Variants in NAPA observed in about 807,000 individuals in gnomAD.
The protein encoded by NAPA is alpha-soluble NSF attachment protein.
In NAPA, 18 loss-of-function variants were observed where a neutral mutation model predicts 48.0. The ratio of observed to expected loss-of-function variants is 0.38; its 90% CI spans 0.26 to 0.56. The LOEUF (loss-of-function observed/expected upper bound fraction) is 0.56. Ranked by LOEUF, NAPA falls within the 20% of genes least tolerant of loss-of-function variation. The pLI is 0.77. For missense variants in NAPA, 315 were observed against 385.0 expected (o/e 0.82, Z 1.52); for synonymous variants, 152 against 149.9 (o/e 1.01, Z -0.10).
Position 47,490,785 on chromosome 19 carries a change from T to C in NAPA, c.735+3A>G, listed in dbSNP as rs765792022. On this transcript the variant is annotated splice_donor_region_variant and intron_variant, in intron 9 of 10. Coordinates refer to ENST00000263354, the MANE Select transcript of NAPA (RefSeq NM_003827.4). ...GGGGGAGGCCGGAGCACCCAGCACT[T>C]ACTTTCATCAACTTGCATTCCCGGG... The C allele has an allele frequency of 6.6e-5, 106 of 1,613,244 alleles. No homozygotes were observed. Among genetic ancestry groups the C allele is most frequent in the Non-Finnish European group, 7.0e-5 (82 of 1,179,672 alleles).
intron 4 of NAPA, among the ~76,000 whole-genome samples, chr19:47,494,437 G>A (rs1299567752): frequency 1.3e-5 from 2 of 152,098 alleles, no homozygotes; most frequent in African/African-American, 2.4e-5. Context: ...CAGGGCAAGC[G>A]GAGAGGCAAA....
intron 9 of NAPA, among the ~76,000 whole-genome samples, chr19:47,490,154 TGTGTGTGTGGG>T (rs1389995420): frequency 3.4e-5 from 5 of 146,400 alleles, no homozygotes; most frequent in African/African-American, 7.6e-5. Flanking sequence ...GTGTGTTCGG[TGTGTGTGTGGG>T]GTGTGTGTGG....
intron 3 of NAPA, among the ~76,000 whole-genome samples, chr19:47,498,271 C>G (rs1211430779): frequency 6.6e-6 from 1 of 152,164 alleles, no homozygotes; most frequent in East Asian, 1.9e-4. Flanking sequence ...TTGGGGAAGC[C>G]AGGCAAGGTT....
chr19:47,495,455 A>C, intron 4 of NAPA, 95 bp downstream of exon 4: 1 of 1,376,652 alleles, frequency 7.3e-7, no homozygotes, highest in East Asian at 2.3e-5. Flanking sequence ...TTGGCCGCAG[A>C]ATAAGAACAG....
rs745606712 is a variant in NAPA at position 47,495,584 on chromosome 19, C to T, written c.308G>A (p.Cys103Tyr). 11 of 1,359,192 alleles carry T rather than the reference C, an allele frequency of 8.1e-6. No homozygotes were observed. In the South Asian group the frequency reaches 2.2e-4, roughly 27 times the overall value. The allele number at this position is 1,359,192 out of a possible 1,614,324, so 84.2% of individuals were successfully genotyped here. A position where few individuals can be genotyped will look rare whatever the true frequency, so the allele number is the denominator to read the frequency against. Residue 103 changes from cysteine (C) to tyrosine (Y), a missense_variant, in exon 4 of 11, where the codon TGT becomes TAT. Physicochemically the swap from Cys to Tyr is radical, Grantham distance 194. Coordinates refer to ENST00000263354, the MANE Select transcript of NAPA (RefSeq NM_003827.4). ...KKADPQEAIN[C>Y]LMRAIEIYTD... The stretch of plus-strand genomic sequence containing the variant: ...GTAGATCTCGATTGCTCGCATCAAA[C>T]AGTTAATGGCCTCTGGAGAGAAAGG...
intron 3 of NAPA, among the ~76,000 whole-genome samples, chr19:47,497,758 C>T (rs1342896962): frequency 1.3e-5 from 2 of 152,244 alleles, no homozygotes; most frequent in Non-Finnish European, 2.9e-5. Context: ...TCATCTCCTC[C>T]TTAGTAAAAT....
intron 9 of NAPA, among the ~76,000 whole-genome samples, chr19:47,490,264 TGTG>T (rs1006038275): frequency 2.1e-5 from 3 of 143,364 alleles, no homozygotes; most frequent in Non-Finnish European, 4.6e-5. Context: ...GGGTGTGTCG[TGTG>T]GTGTGTGTAC....
intron 1 of NAPA, among the ~76,000 whole-genome samples, chr19:47,508,478 A>G (rs1968737757): frequency 1.3e-5 from 2 of 152,210 alleles, no homozygotes; most frequent in South Asian, 4.1e-4. Flanking sequence ...CCCAGTTAAC[A>G]ACGGTGAAAG....
In NAPA at chr19:47,502,567, A is replaced by G. The variant is rs1968603387; in HGVS notation, c.178+856T>C. On this transcript the variant is annotated intron_variant, in intron 2 of 10. Coordinates refer to ENST00000263354, the MANE Select transcript of NAPA (RefSeq NM_003827.4). ...TTGTGCACCTCTGCACCCTGCCTCC[A>G]TGGTCCCACCACCAGGTTCCCTCTC... Among the ~76,000 whole-genome samples the G allele has an allele frequency of 1.3e-5, 2 of 152,186 alleles. 1 individual carries two copies. The highest frequency in any genetic ancestry group is 4.1e-4 in the South Asian group (2 of 4,836).
intron 1 of NAPA, among the ~76,000 whole-genome samples, chr19:47,514,124 CCA>C (rs1166254385): frequency 6.6e-6 from 1 of 151,922 alleles, no homozygotes; most frequent in Non-Finnish European, 1.5e-5. Flanking sequence ...GCTGAGACCT[CCA>C]CAGTCTTGAC....
chr19:47,514,832 C>T lies in NAPA; in HGVS notation c.98+11G>A. 2.5e-6 allele frequency: 4 copies of T among 1,613,016 alleles called. No individual in the cohort carries two copies. Among genetic ancestry groups the T allele is most frequent in the Non-Finnish European group, 3.4e-6 (4 of 1,179,254 alleles). ...CCTAGGTCCCGGCCGACCCCTCAGC[C>T]CGGTTCTCACCCAAAGAGGCCAGAG... On this transcript the variant is annotated intron_variant, in intron 1 of 10. Coordinates refer to ENST00000263354, the MANE Select transcript of NAPA (RefSeq NM_003827.4).
At position 47,490,255 on chromosome 19, in the gene NAPA, G is replaced by T. The variant is rs56343357; in HGVS notation, c.736-494C>A. Among the ~76,000 whole-genome samples the T allele has an allele frequency of 8.3e-4, 123 of 147,518 alleles. 1 individual carries two copies. Among genetic ancestry groups the T allele is most frequent in the South Asian group, 5.1e-3 (23 of 4,544 alleles). On this transcript the variant is annotated intron_variant, in intron 9 of 10. Transcript: ENST00000263354. ...GTGCAGTGTGTTTTGTGTGTGGGGG[G>T]GTGTGTCGTGTGGTGTGTGTACTGT...
rs781312332 is a variant in NAPA, at chr19:47,488,411, G to A, written c.787-22C>T. 6 of 1,588,644 alleles carry A rather than the reference G, an allele frequency of 3.8e-6. No individual in the cohort carries two copies. In the African/African-American group the frequency reaches 6.7e-5, roughly 18 times the overall value. ...TCACCTGAGGGCACACCAGGTGATA[G>A]GCTGGCCATGCTCCCCCCGTTCCCA... is the stretch of plus-strand genomic sequence containing the variant. On this transcript the variant is annotated intron_variant, in intron 10 of 10. Transcript: ENST00000263354.
intron 3 of NAPA, among the ~76,000 whole-genome samples, chr19:47,499,350 C>T (rs1266840237): frequency 1.3e-5 from 2 of 152,230 alleles, no homozygotes; most frequent in African/African-American, 4.8e-5. Flanking sequence ...TAAGACAGCA[C>T]CTCTAGGCCA....
In NAPA at chr19:47,490,867, G is replaced by A. The variant is rs1184515902; in HGVS notation, c.667-11C>T. ...CTTTTGGACAGCCAGCTGGGCAGCA[G>A]GGAAGGGAGAAGATGAGTTAGTAAC... On this transcript the variant is annotated splice_polypyrimidine_tract_variant and intron_variant, in intron 8 of 10. Transcript: ENST00000263354. 8 of 1,612,860 alleles carry A rather than the reference G, an allele frequency of 5.0e-6. No individual in the cohort carries two copies. The highest frequency in any genetic ancestry group is 6.8e-6 in the Non-Finnish European group (8 of 1,179,296).
intron 7 of NAPA, chr19:47,492,340 G>T (rs1968293512): frequency 1.8e-6 from 1 of 546,220 alleles, no homozygotes; most frequent in Non-Finnish European, 3.3e-6. Context: ...GCTGGGTGGG[G>T]GTGGAGGCTG....
chr19:47,488,424 C>A lies in NAPA; in HGVS notation c.787-35G>T, dbSNP rs773448626. ...CACCAGGTGATAGGCTGGCCATGCT[C>A]CCCCCGTTCCCAACCCTGCAGCCCA... On this transcript the variant is annotated intron_variant, in intron 10 of 10. Coordinates refer to ENST00000263354, the MANE Select transcript of NAPA (RefSeq NM_003827.4). The A allele has an allele frequency of 2.9e-5, 45 of 1,544,358 alleles. No individual in the cohort carries two copies. The African/African-American group carries it at 5.3e-4, about 18-fold the overall frequency.
At chr19:47,503,685 T>G (rs372840846) in intron 1 of NAPA, among the ~76,000 whole-genome samples, 183 bp from the exon 2 acceptor site, 2 of 152,250 alleles carry the variant, frequency 1.3e-5, no homozygotes, top group African/African-American at 4.8e-5. Context: ...CACACTCACT[T>G]CGGGCAGACC....
chr19:47,493,728 AC>A lies in NAPA; in HGVS notation c.343-236del. Reference sequence around the variant, plus strand: ...CTGAGCGGGTGATGTTGGACAAGCCACTCCAGGGCCTTAGCCTAATTCCATC... The same window carrying A: ...CTGAGCGGGTGATGTTGGACAAGCCATCCAGGGCCTTAGCCTAATTCCATC... On this transcript the variant is annotated intron_variant, in intron 4 of 10. Coordinates refer to ENST00000263354, the MANE Select transcript of NAPA (RefSeq NM_003827.4). This position sits in a 1 kb window ranked among gnomAD's most constrained non-coding sequence, Gnocchi z 6.4. The A allele has an allele frequency of 1.8e-6, 1 of 548,648 alleles. No homozygotes were observed. Among genetic ancestry groups the A allele is most frequent in the Admixed American group, 3.1e-5 (1 of 32,528 alleles). The allele number at this position is 548,648 out of a possible 1,614,324, so 34.0% of individuals were successfully genotyped here.
Sources: allele counts gnomAD v4.1 joint callset (sites outside exome capture counted in the v4.1 genomes callset), GRCh38; gene constraint gnomAD v4.1.1; non-coding constraint Gnocchi (gnomAD v3.1); transcripts MANE v1.5; gene names NCBI Gene and HGNC (gene_info 2026-07-23, HGNC 2026-07-21).